The following GOLGB1 variants were observed in gnomAD, a reference collection of about 807,000 sequenced individuals.
The protein encoded by GOLGB1 is golgin B1.
In GOLGB1, 174 loss-of-function variants were observed where a neutral mutation model predicts 336.9. The observed-to-expected ratio is 0.52, with a 90% CI of 0.46 to 0.59. The LOEUF is 0.59. GOLGB1 is among the 20% of genes least tolerant of loss of function. The pLI is 0.00. For synonymous variants in GOLGB1, 1,208 were observed against 1,289.2 expected (o/e 0.94, Z 1.35); for missense variants, 3,331 against 3,645.3 (o/e 0.91, Z 2.22).
intron 17 of GOLGB1, among the ~76,000 whole-genome samples, chr3:121,670,755 T>TG (rs398038351): frequency 0.28 from 21,845 of 78,396 alleles, 3,294 homozygotes; most frequent in East Asian, 0.49. Context: ...GGTTTTCTTT[T>TG]GGGGGGGGGG....
chr3:121,696,739 A>G lies in GOLGB1; in HGVS notation c.3784T>C (p.Cys1262Arg), dbSNP rs1277966304. 6.2e-7 allele frequency: 1 copy of G among 1,614,168 alleles called. No individual in the cohort carries two copies. Among genetic ancestry groups the G allele is most frequent in the Admixed American group, 1.7e-5 (1 of 60,022 alleles). ...TCTTCTAAACCTGGAGTGGAAGAAC[A>G]CGATTCCTGCTGGTCTGTGCTTGGG... ...KLPSTDQQES[C>R]SSTPGLEEPL... is the part of the protein sequence containing the mutation. Residue 1262 changes from cysteine to arginine, a missense_variant, in exon 13 of 22, where the codon TGT becomes CGT. Physicochemically the swap from Cys to Arg is radical, Grantham distance 180. Transcript: ENST00000614479.
chr3:121,715,436 C>T (rs575777596), intron 9 of GOLGB1, among the ~76,000 whole-genome samples: 16 of 145,834 alleles, frequency 1.1e-4, no homozygotes, highest in African/African-American at 3.6e-4. Context: ...AGGCTGGTCT[C>T]GAACTCCTGA....
In GOLGB1 at chr3:121,699,871, G is replaced by T. The variant is rs1943247635; in HGVS notation, c.1534C>A (p.Gln512Lys). The part of the protein sequence containing the change: ...LKAENEKLSS[Q>K]ITLLEAQNRT... ...TTCTGAGCCTCTAGGAGAGTAATCT[G>T]AGAAGACAGTTTTTCTGAAAGTCAC... is the stretch of plus-strand genomic sequence containing the variant. Residue 512 changes from glutamine (Q) to lysine (K), a missense_variant, in exon 12 of 22, where the codon CAG (glutamine) becomes AAG (lysine). Gln to Lys is a moderately conservative substitution (Grantham distance 53). Coordinates refer to ENST00000614479, the MANE Select transcript of GOLGB1 (RefSeq NM_001366282.2). The T allele has an allele frequency of 1.3e-6, 2 of 1,596,714 alleles. No individual in the cohort carries two copies. Among genetic ancestry groups the T allele is most frequent in the Non-Finnish European group, 1.7e-6 (2 of 1,167,322 alleles).
chr3:121,720,533 C>T (rs1404272432), intron 6 of GOLGB1, among the ~76,000 whole-genome samples: 7 of 152,186 alleles, frequency 4.6e-5, no homozygotes, highest in Admixed American at 4.6e-4. Flanking sequence ...TGTTAGCTTG[C>T]CTATTTTGCA....
intron 1 of GOLGB1, chr3:121,748,942 C>T: frequency 1.7e-5 from 17 of 984,770 alleles, no homozygotes; most frequent in Non-Finnish European, 2.0e-5. Context: ...TACTCCACAC[C>T]ATCAAACCAA....
intron 5 of GOLGB1, among the ~76,000 whole-genome samples, chr3:121,725,643 G>C (rs1945532025): frequency 6.6e-6 from 1 of 152,148 alleles, no homozygotes; most frequent in Admixed American, 6.5e-5. Context: ...AAGGGTGGAA[G>C]GCTATGATGT....
Position 121,696,738 on chromosome 3 carries a change from C to T in GOLGB1, c.3785G>A (p.Cys1262Tyr), listed in dbSNP as rs756602770. 2 of 1,614,122 alleles carry T rather than the reference C, an allele frequency of 1.2e-6. No individual in the cohort carries two copies. Among genetic ancestry groups the T allele is most frequent in the East Asian group, 2.2e-5 (1 of 44,868 alleles). The change falls in exon 13 of 22, where the codon TGT becomes TAT. Residue 1262 changes from cysteine to tyrosine, a missense_variant. Transcript: ENST00000614479. Reference protein sequence around the residue: ...KLPSTDQQESCSSTPGLEEPL... With the variant: ...KLPSTDQQESYSSTPGLEEPL... ...TTCTTCTAAACCTGGAGTGGAAGAA[C>T]ACGATTCCTGCTGGTCTGTGCTTGG...
intron 6 of GOLGB1, among the ~76,000 whole-genome samples, chr3:121,721,337 GC>G (rs1330051102): frequency 6.6e-6 from 1 of 151,758 alleles, no homozygotes; most frequent in Non-Finnish European, 1.5e-5. Flanking sequence ...CCCCACCGCT[GC>G]CCCCACCCCC....
rs148782071 is a variant in GOLGB1, at chr3:121,667,533, C to T, written c.9497G>A (p.Arg3166Gln). Residue 3166 changes from arginine (R) to glutamine (Q), a missense_variant, in exon 20 of 22, where the codon CGA (arginine) becomes CAA (glutamine). Physicochemically the swap from Arg to Gln is conservative, Grantham distance 43. Transcript: ENST00000614479. ...NELRKLLEEE[R>Q]DQRVAAENAL... ...ATTCTCAGCAGCCACTCTTTGGTCT[C>T]GTTCTTCTTCCAGCAGCTTCCTTAA... 56 of 1,614,000 alleles carry T rather than the reference C, an allele frequency of 3.5e-5. No individual in the cohort carries two copies. Among genetic ancestry groups the T allele is most frequent in the African/African-American group, 1.3e-4 (10 of 74,936 alleles).
chr3:121,699,941 C>T, intron 11 of GOLGB1, 56 bp from the exon 12 acceptor site: 2 of 999,520 alleles, frequency 2.0e-6, no homozygotes, highest in South Asian at 1.5e-5. Context: ...TGTGAAAAAA[C>T]AGGATTGCAT....
At chr3:121,703,429 G>C (rs899570706) in intron 10 of GOLGB1, among the ~76,000 whole-genome samples, 1 of 152,148 alleles carries the variant, frequency 6.6e-6, no homozygotes, top group Non-Finnish European at 1.5e-5. Context: ...AGAAGAGTTT[G>C]GGACAAACAT....
chr3:121,748,540 C>A (rs943999740), intron 1 of GOLGB1, among the ~76,000 whole-genome samples: 3 of 152,210 alleles, frequency 2.0e-5, no homozygotes, highest in Non-Finnish European at 4.4e-5. Context: ...CTTTTGAGTA[C>A]TCTTCAACTT....
At position 121,695,829 on chromosome 3, in the gene GOLGB1, A is replaced by G. The variant is rs1430019786; in HGVS notation, c.4694T>C (p.Leu1565Ser). 2 of 1,614,072 alleles carry G rather than the reference A, an allele frequency of 1.2e-6. No homozygotes were observed. The highest frequency in any genetic ancestry group is 1.7e-6 in the Non-Finnish European group (2 of 1,179,960). Residue 1565 changes from leucine (L) to serine (S), a missense_variant, in exon 13 of 22, where the codon TTG becomes TCG. Physicochemically the swap from Leu to Ser is moderately radical, Grantham distance 145. Coordinates refer to ENST00000614479, the MANE Select transcript of GOLGB1 (RefSeq NM_001366282.2). Reference sequence around the variant, plus strand: ...GGAGCTGCTGAGACTCTGATTTTCCAATAAAGACCTGTCCATTTCTGTAAT... The same window carrying G: ...GGAGCTGCTGAGACTCTGATTTTCCGATAAAGACCTGTCCATTTCTGTAAT... ...KLITEMDRSL[L>S]ENQSLSSSCE... is the part of the protein sequence containing the mutation.
intron 21 of GOLGB1, 81 bp from the exon 22 acceptor site, chr3:121,664,695 G>C: frequency 7.2e-7 from 1 of 1,381,856 alleles, no homozygotes; most frequent in Non-Finnish European, 1.0e-6. Context: ...TTGCACTTAA[G>C]CAAAGCTGAC....
chr3:121,696,895 G>C lies in GOLGB1; in HGVS notation c.3628C>G (p.Leu1210Val). ...TTATAGTCATCTTTCTGTTGCTTTAGCTCCTCCCTGAGATGTCTTTCTTTC... is the reference window on the plus strand; with the variant it reads ...TTATAGTCATCTTTCTGTTGCTTTACCTCCTCCCTGAGATGTCTTTCTTTC... ...QEKERHLREE[L>V]KQQKDDYNRL... Residue 1210 changes from leucine to valine, a missense_variant, in exon 13 of 22, where the codon CTA becomes GTA. Transcript: ENST00000614479. 1 of 1,614,104 alleles carries C rather than the reference G, an allele frequency of 6.2e-7. No homozygotes were observed. Among genetic ancestry groups the C allele is most frequent in the Non-Finnish European group, 8.5e-7 (1 of 1,179,982 alleles).
intron 14 of GOLGB1, among the ~76,000 whole-genome samples, chr3:121,683,223 G>T (rs1234884622): frequency 6.6e-6 from 1 of 151,514 alleles, no homozygotes; most frequent in Non-Finnish European, 1.5e-5. Context: ...TCATTTATAG[G>T]TACCCTCTTC....
At chr3:121,686,472 T>G (rs1384072443) in intron 14 of GOLGB1, among the ~76,000 whole-genome samples, 1 of 152,208 alleles carries the variant, frequency 6.6e-6, no homozygotes, top group African/African-American at 2.4e-5. Flanking sequence ...AAATTGTTTA[T>G]ATCTTTATAT....
chr3:121,697,554 T>C lies in GOLGB1; in HGVS notation c.2969A>G (p.Lys990Arg). ...TCTCTTTCTCTGCTCATTTTCTTTCTTCAGAAGGTCAAATTCATGCTGAAG... is the reference window on the plus strand; with the variant it reads ...TCTCTTTCTCTGCTCATTTTCTTTCCTCAGAAGGTCAAATTCATGCTGAAG... ...EELQHEFDLL[K>R]KENEQRKRKL... The change falls in exon 13 of 22, where the codon AAG (lysine) becomes AGG (arginine). Residue 990 changes from lysine (K) to arginine (R), a missense_variant. Physicochemically the swap from Lys to Arg is conservative, Grantham distance 26 (BLOSUM62 2). Transcript: ENST00000614479. 1 of 1,613,804 alleles carries C rather than the reference T, an allele frequency of 6.2e-7. No homozygotes were observed. Among genetic ancestry groups the C allele is most frequent in the South Asian group, 1.1e-5 (1 of 91,068 alleles).
intron 17 of GOLGB1, among the ~76,000 whole-genome samples, chr3:121,670,281 T>C (rs1472885174): frequency 6.6e-6 from 1 of 152,164 alleles, no homozygotes; most frequent in Non-Finnish European, 1.5e-5. Context: ...ATGTACATTA[T>C]ATGAGAGGAA....
Sources: gnomAD v4.1 joint callset for allele counts (sites outside exome capture counted in the v4.1 genomes callset) on GRCh38, gnomAD v4.1.1 for gene constraint, MANE v1.5 for transcripts, NCBI Gene and HGNC (gene_info 2026-07-23, HGNC 2026-07-21) for gene names.